The following ST18 variants were observed in gnomAD, a reference collection of about 807,000 sequenced individuals.
ST18 encodes ST18 C2H2C-type zinc finger transcription factor.
Under a neutral mutation model 110.0 loss-of-function variants are expected in ST18, and 50 were observed. The ratio of observed to expected loss-of-function variants is 0.45; its 90% CI spans 0.36 to 0.58. ST18 has a LOEUF of 0.58. Ranked by LOEUF, ST18 falls within the 20% of genes least tolerant of loss-of-function variation. The probability of loss-of-function intolerance (pLI) is 0.00; values close to 1 mark genes in which losing one functional copy is unlikely to be tolerated. For missense variants in ST18, 1,306 were observed against 1,280.1 expected (o/e 1.02, Z -0.31); for synonymous variants, 461 against 452.4 (o/e 1.02, Z -0.24).
chr8:52,214,183 G>T lies in ST18; in HGVS notation c.55+20C>A. ...ATGGTGTGGTGGGCATAGTGTCATA[G>T]AACCTGCTTGCTAACTCACCCTCGG... is the stretch of plus-strand genomic sequence containing the variant. On this transcript the variant is annotated intron_variant, in intron 7 of 25. Coordinates refer to ENST00000689386, the MANE Select transcript of ST18 (RefSeq NM_001352837.2). 1 of 1,613,844 alleles carries T rather than the reference G, an allele frequency of 6.2e-7. No individual in the cohort carries two copies. The highest frequency in any genetic ancestry group is 8.5e-7 in the Non-Finnish European group (1 of 1,179,746).
chr8:52,267,157 T>G (rs973668893), intron 2 of ST18, among the ~76,000 whole-genome samples: 5 of 151,878 alleles, frequency 3.3e-5, no homozygotes, highest in Admixed American at 3.3e-4. Context: ...GTCACAGGTA[T>G]GACAGTGGGG....
chr8:52,281,492 A>G (rs2139152291), intron 2 of ST18, among the ~76,000 whole-genome samples: 1 of 152,340 alleles, frequency 6.6e-6, no homozygotes. Context: ...ACTCATGGAA[A>G]CATTAGGAAT....
At chr8:52,271,126 C>A (rs1166572117) in intron 2 of ST18, among the ~76,000 whole-genome samples, 1 of 152,148 alleles carries the variant, frequency 6.6e-6, no homozygotes, top group Non-Finnish European at 1.5e-5. Context: ...TCTCGATCTT[C>A]TGACCTTGTG....
intron 2 of ST18, among the ~76,000 whole-genome samples, chr8:52,291,102 T>C (rs34224539): frequency 0.029 from 4,387 of 152,344 alleles, 76 homozygotes; most frequent in Middle Eastern, 0.051. Flanking sequence ...TGATACTTTC[T>C]GCTTATGGAG....
chr8:52,125,159 G>A (rs902588834), intron 23 of ST18, among the ~76,000 whole-genome samples: 1 of 152,148 alleles, frequency 6.6e-6, no homozygotes. Context: ...GATCCAAACA[G>A]AGAACTCAGA....
chr8:52,328,100 T>C (rs979100698), intron 2 of ST18, among the ~76,000 whole-genome samples: 1 of 152,212 alleles, frequency 6.6e-6, no homozygotes, highest in Non-Finnish European at 1.5e-5. Flanking sequence ...AGTGAGAGAA[T>C]AGCCCCAGGA....
At chr8:52,122,279 A>G (rs1001517585) in intron 23 of ST18, among the ~76,000 whole-genome samples, 8 of 152,054 alleles carry the variant, frequency 5.3e-5, no homozygotes, top group Non-Finnish European at 1.0e-4. Flanking sequence ...CCTAATTTGC[A>G]TATTTGGGGA....
At chr8:52,371,155 A>G (rs2140616846) in intron 2 of ST18, among the ~76,000 whole-genome samples, 1 of 152,324 alleles carries the variant, frequency 6.6e-6, no homozygotes, top group South Asian at 2.1e-4. Flanking sequence ...TATGCTGCCA[A>G]CACTGTGCTC....
chr8:52,132,331 G>T, intron 21 of ST18, 152 bp from the exon 22 acceptor site: 1 of 624,746 alleles, frequency 1.6e-6, no homozygotes, highest in Non-Finnish European at 2.7e-6. Context: ...AGAGCTACGC[G>T]ATTTTCATGC....
chr8:52,252,962 T>A (rs552423952), intron 2 of ST18, among the ~76,000 whole-genome samples: 1 of 151,936 alleles, frequency 6.6e-6, no homozygotes, highest in South Asian at 2.1e-4. Context: ...GATTATTGCC[T>A]GGAACTTATT....
chr8:52,353,514 C>T (rs1821302988), intron 2 of ST18, among the ~76,000 whole-genome samples: 1 of 152,148 alleles, frequency 6.6e-6, no homozygotes, highest in African/African-American at 2.4e-5. Context: ...TAAAAACACA[C>T]TCTCACAGAC....
rs1159944273 is a variant in ST18, at chr8:52,143,006, T to C, written c.2092A>G (p.Lys698Glu). 3.1e-6 allele frequency: 5 copies of C among 1,613,826 alleles called. No individual in the cohort carries two copies. Among genetic ancestry groups the C allele is most frequent in the Non-Finnish European group, 4.2e-6 (5 of 1,179,904 alleles). ...GGTATAGAGGCCTCTCCAGGAAACTTTTTTTCCTCTAAATTTTCTAGAGAG... is the reference window on the plus strand; with the variant it reads ...GGTATAGAGGCCTCTCCAGGAAACTCTTTTTCCTCTAAATTTTCTAGAGAG... ...VSSLENLEEK[K>E]FPGEASIPSP... The change falls in exon 17 of 26, where the codon AAG becomes GAG. Residue 698 changes from lysine (K) to glutamate (E), a missense_variant. By Grantham distance (56) the Lys-to-Glu change is moderately conservative. Coordinates refer to ENST00000689386, the MANE Select transcript of ST18 (RefSeq NM_001352837.2).
intron 14 of ST18, among the ~76,000 whole-genome samples, chr8:52,160,393 T>C (rs2133122134): frequency 6.6e-6 from 1 of 152,338 alleles, no homozygotes; most frequent in East Asian, 1.9e-4. Context: ...GTCTGTTTAC[T>C]ACTGGGTTTT....
intron 18 of ST18, 102 bp downstream of exon 18, chr8:52,137,319 C>T: frequency 8.1e-7 from 1 of 1,228,008 alleles, no homozygotes; most frequent in Non-Finnish European, 1.1e-6. Flanking sequence ...CCAACCAACT[C>T]ATTTCCTGCT....
Position 52,113,240 on chromosome 8 carries a change from T to G in ST18, c.3102A>C (p.Leu1034=). The change falls in exon 26 of 26, where the codon CTA becomes CTC. Residue 1034 remains leucine, a synonymous_variant. Transcript: ENST00000689386. ...ERDYSPECKA[L]LESIKQAVKG... ...TCACTGCCTGTTTGATACTTTCCAG[T>G]AGAGCTTTGCATTCCGGGGAATAGT... The G allele has an allele frequency of 6.2e-7, 1 of 1,614,146 alleles. No homozygotes were observed. The highest frequency in any genetic ancestry group is 8.5e-7 in the Non-Finnish European group (1 of 1,179,976).
chr8:52,135,081 AT>A (rs2051444574), intron 19 of ST18, among the ~76,000 whole-genome samples: 1 of 152,218 alleles, frequency 6.6e-6, no homozygotes, highest in African/African-American at 2.4e-5. Context: ...AAGAGACCCA[AT>A]AGCTATAATT....
intron 2 of ST18, among the ~76,000 whole-genome samples, chr8:52,247,204 C>T (rs1012054513): frequency 9.2e-5 from 14 of 152,070 alleles, no homozygotes; most frequent in African/African-American, 3.4e-4. Flanking sequence ...TACAAAGTTT[C>T]CTTCTGACAA....
At chr8:52,339,913 C>A (rs1256436261) in intron 2 of ST18, among the ~76,000 whole-genome samples, 1 of 152,250 alleles carries the variant, frequency 6.6e-6, no homozygotes, top group Admixed American at 6.5e-5. Context: ...GCATTAGGAG[C>A]ATTTTAAATA....
intron 2 of ST18, chr8:52,403,449 T>C (rs2141125183): frequency 6.6e-6 from 1 of 152,288 alleles, no homozygotes; most frequent in South Asian, 2.1e-4. Context: ...AATTCTCCAG[T>C]GGTGAAGACT....
Sources: allele counts gnomAD v4.1 joint callset (sites outside exome capture counted in the v4.1 genomes callset), GRCh38; gene constraint gnomAD v4.1.1; transcripts MANE v1.5; gene names NCBI Gene and HGNC (gene_info 2026-07-23, HGNC 2026-07-21).